GPC5: variants seen among roughly 807,000 people sequenced by gnomAD.
The protein encoded by GPC5 is glypican 5.
A neutral mutation model predicts 53.9 loss-of-function variants in GPC5; 47 were observed. The observed-to-expected ratio is 0.87, with a 90% CI of 0.69 to 1.11. The LOEUF (loss-of-function observed/expected upper bound fraction) is 1.11, where lower values mean the gene tolerates loss of function less well. GPC5 is among the 50% of genes most tolerant of loss of function. The pLI is 0.00. For synonymous variants in GPC5, 286 were observed against 263.3 expected, an observed-to-expected ratio of 1.09 and a Z score of -0.84; for missense variants, 748 against 713.1, an observed-to-expected ratio of 1.05 and a Z score of -0.56.
intron 6 of GPC5, among the ~76,000 whole-genome samples, chr13:91,925,077 C>T (rs1389562701): frequency 1.3e-5 from 2 of 152,044 alleles, no homozygotes; most frequent in Non-Finnish European, 2.9e-5. Context: ...CCTCGGCCTC[C>T]CAAAGTGCCG....
chr13:91,548,151 T>G (rs2030406034), intron 2 of GPC5, among the ~76,000 whole-genome samples: 1 of 152,102 alleles, frequency 6.6e-6, no homozygotes, highest in Non-Finnish European at 1.5e-5. Context: ...AAAAGACATA[T>G]AGCTTGGGAA....
intron 7 of GPC5, among the ~76,000 whole-genome samples, chr13:92,283,005 C>A (rs906482232): frequency 2.0e-5 from 3 of 152,148 alleles, no homozygotes; most frequent in African/African-American, 7.2e-5. Context: ...ACCCATCTCA[C>A]ATGCAGAGAC....
At chr13:91,804,432 T>A (rs2038187728) in intron 5 of GPC5, among the ~76,000 whole-genome samples, 1 of 152,134 alleles carries the variant, frequency 6.6e-6, no homozygotes, top group Non-Finnish European at 1.5e-5. Flanking sequence ...ATGACATTGG[T>A]TTTTAATCCC....
intron 5 of GPC5, among the ~76,000 whole-genome samples, chr13:91,786,651 C>T (rs1244236280): frequency 1.3e-5 from 2 of 152,078 alleles, no homozygotes; most frequent in Non-Finnish European, 2.9e-5. Context: ...AAATATTTCT[C>T]CTATATCTTA....
intron 1 of GPC5, among the ~76,000 whole-genome samples, chr13:91,406,385 A>G (rs1031277968): frequency 2.0e-5 from 3 of 152,162 alleles, no homozygotes; most frequent in African/African-American, 7.2e-5. Flanking sequence ...TGGGTTAAAG[A>G]TGGACCCCCA....
Position 92,274,879 on chromosome 13 carries a change from G to A in GPC5, c.1561+129890G>A, listed in dbSNP as rs141441667. On this transcript the variant is annotated intron_variant, in intron 7 of 7. Coordinates refer to ENST00000377067, the MANE Select transcript of GPC5 (RefSeq NM_004466.6). ...CACTCAAGAGGAAGAATTACACAAGGTGGGGAACATTGGGACCATTTTGGA... is the reference window on the plus strand; with the variant it reads ...CACTCAAGAGGAAGAATTACACAAGATGGGGAACATTGGGACCATTTTGGA... Among the ~76,000 whole-genome samples the A allele has an allele frequency of 1.5e-4, 23 of 150,418 alleles. No individual in the cohort carries two copies. The East Asian group carries it at 4.5e-3, about 29-fold the overall frequency.
chr13:92,109,061 GT>G (rs35762919), intron 6 of GPC5, among the ~76,000 whole-genome samples: 2,527 of 87,498 alleles, frequency 0.029, 15 homozygotes, highest in Middle Eastern at 0.05. Context: ...CAATATGTTG[GT>G]TTTTTTTTTT....
intron 7 of GPC5, among the ~76,000 whole-genome samples, chr13:92,601,580 AGAAAC>A (rs1317672414): frequency 6.7e-6 from 1 of 149,278 alleles, no homozygotes; most frequent in South Asian, 2.1e-4. Flanking sequence ...AAAAAAAAGA[AGAAAC>A]ACATATTGCT....
At chr13:91,790,668 T>C (rs2037949915) in intron 5 of GPC5, among the ~76,000 whole-genome samples, 1 of 152,262 alleles carries the variant, frequency 6.6e-6, no homozygotes, top group Non-Finnish European at 1.5e-5. Context: ...AAGCATCTGA[T>C]AGAGTGTGAT....
intron 5 of GPC5, among the ~76,000 whole-genome samples, chr13:91,775,260 A>G (rs1487657083): frequency 2.0e-5 from 3 of 152,198 alleles, no homozygotes; most frequent in Non-Finnish European, 4.4e-5. Flanking sequence ...GTTTTAGTCT[A>G]TATAATATTT....
At chr13:92,477,037 AG>A (rs1566607604) in intron 7 of GPC5, among the ~76,000 whole-genome samples, 402 of 142,424 alleles carry the variant, frequency 2.8e-3, no homozygotes, top group Non-Finnish European at 3.9e-3. Context: ...TAAAACTTAA[AG>A]TATAATAATA....
chr13:92,606,794 T>C (rs970210782), intron 7 of GPC5, among the ~76,000 whole-genome samples: 3 of 152,146 alleles, frequency 2.0e-5, no homozygotes, highest in African/African-American at 7.2e-5. Context: ...GAGTTTTTTT[T>C]CACTTTCCTC....
chr13:92,384,346 A>T (rs1033575186), intron 7 of GPC5, among the ~76,000 whole-genome samples: 28 of 152,164 alleles, frequency 1.8e-4, no homozygotes, highest in African/African-American at 6.8e-4. Flanking sequence ...AGATATCACA[A>T]GCACAGAACT....
chr13:92,507,622 G>A (rs896740210), intron 7 of GPC5, among the ~76,000 whole-genome samples: 1 of 152,142 alleles, frequency 6.6e-6, no homozygotes, highest in Non-Finnish European at 1.5e-5. Context: ...CTGCTCTGAT[G>A]TTAGCAGAAT....
chr13:92,520,483 A>G (rs757809151), intron 7 of GPC5, among the ~76,000 whole-genome samples: 2 of 152,154 alleles, frequency 1.3e-5, no homozygotes, highest in East Asian at 1.9e-4. Flanking sequence ...ACATACACAA[A>G]TCAATAAACA....
chr13:92,253,431 TAA>T (rs34449669), intron 7 of GPC5, among the ~76,000 whole-genome samples: 5 of 151,104 alleles, frequency 3.3e-5, no homozygotes, highest in Admixed American at 6.6e-5. Flanking sequence ...TAACAGGAGT[TAA>T]AAAAAAATAG....
intron 2 of GPC5, among the ~76,000 whole-genome samples, chr13:91,612,950 G>A (rs541389885): frequency 1.1e-4 from 16 of 152,168 alleles, no homozygotes; most frequent in African/African-American, 2.6e-4. Context: ...AAGTCCTGTC[G>A]CACACATTAG....
intron 7 of GPC5, among the ~76,000 whole-genome samples, chr13:92,255,392 C>G (rs2042720029): frequency 6.6e-6 from 1 of 152,128 alleles, no homozygotes; most frequent in Non-Finnish European, 1.5e-5. Context: ...AGTCAGTAAA[C>G]TTGCATGGAA....
At chr13:92,522,189 C>A (rs1824815187) in intron 7 of GPC5, among the ~76,000 whole-genome samples, 1 of 152,158 alleles carries the variant, frequency 6.6e-6, no homozygotes, top group Admixed American at 6.5e-5. Flanking sequence ...ACTAGTTCAA[C>A]CATTGCGGAA....
Sources: allele counts gnomAD v4.1 joint callset (sites outside exome capture counted in the v4.1 genomes callset), GRCh38; gene constraint gnomAD v4.1.1; transcripts MANE v1.5; gene names NCBI Gene and HGNC (gene_info 2026-07-23, HGNC 2026-07-21).